CNTNAP2: variants seen among roughly 807,000 people sequenced by gnomAD.
CNTNAP2 encodes contactin-associated protein-like 2.
In CNTNAP2, 98 loss-of-function variants were observed where a neutral mutation model predicts 155.2. That is an observed-to-expected ratio of 0.63 (90% CI 0.54 to 0.75). The LOEUF is 0.75. CNTNAP2 is among the 30% of genes least tolerant of loss of function. CNTNAP2 has a pLI of 0.00. For missense variants in CNTNAP2, 1,727 were observed against 1,688.1 expected (o/e 1.02, Z -0.40); for synonymous variants, 651 against 631.2 (o/e 1.03, Z -0.47).
intron 1 of CNTNAP2, among the ~76,000 whole-genome samples, chr7:146,243,780 A>G (rs1032420817): frequency 6.6e-6 from 1 of 152,186 alleles, no homozygotes; most frequent in African/African-American, 2.4e-5. Flanking sequence ...GTGAGATTAC[A>G]GAGGAATAAA....
At position 148,354,172 on chromosome 7, in the gene CNTNAP2, C is replaced by T. The variant is rs1021162514; in HGVS notation, c.3476-29477C>T. 2.9e-5 allele frequency among the ~76,000 whole-genome samples: 4 copies of T among 135,876 alleles called. No homozygotes were observed. In the Admixed American group the frequency reaches 3.2e-4, roughly 11 times the overall value. The allele number at this position is 135,876 out of a possible 152,430, so 89.1% of individuals were successfully genotyped here. A position where few individuals can be genotyped will look rare whatever the true frequency, so the allele number is the denominator to read the frequency against. On this transcript the variant is annotated intron_variant, in intron 21 of 23. Coordinates refer to ENST00000361727, the MANE Select transcript of CNTNAP2 (RefSeq NM_014141.6). ...TTAGCAGGTGCTGAGAAATACGAAA[C>T]GATTAATTTTTTTTTTTTTTTTTTT...
At chr7:146,762,162 A>G (rs561820445) in intron 1 of CNTNAP2, among the ~76,000 whole-genome samples, 96 of 152,304 alleles carry the variant, frequency 6.3e-4, no homozygotes, top group African/African-American at 2.3e-3. Flanking sequence ...GAGCCCTTAT[A>G]TAGAAATTTT....
chr7:147,131,049 T>C (rs1801342891), intron 7 of CNTNAP2, among the ~76,000 whole-genome samples: 1 of 148,756 alleles, frequency 6.7e-6, no homozygotes, highest in Non-Finnish European at 1.5e-5. Context: ...TACACATATA[T>C]ATATGTGTAT....
At chr7:148,292,138 G>A (rs191905223) in intron 21 of CNTNAP2, among the ~76,000 whole-genome samples, 1 of 152,208 alleles carries the variant, frequency 6.6e-6, no homozygotes, top group Non-Finnish European at 1.5e-5. Flanking sequence ...TCTGTTTTTT[G>A]TAAAAGACAG....
intron 15 of CNTNAP2, among the ~76,000 whole-genome samples, chr7:148,114,573 A>G (rs1334816144): frequency 1.3e-5 from 2 of 152,176 alleles, no homozygotes; most frequent in Admixed American, 1.3e-4. Flanking sequence ...TCAGCACTGG[A>G]AAAGGCACGC....
At chr7:147,927,915 A>T (rs1456230934) in intron 14 of CNTNAP2, among the ~76,000 whole-genome samples, 1 of 152,140 alleles carries the variant, frequency 6.6e-6, no homozygotes, top group African/African-American at 2.4e-5. Flanking sequence ...AGTCTTGGTG[A>T]TATGGTTTGG....
At chr7:147,537,122 G>T (rs1799556239) in intron 11 of CNTNAP2, among the ~76,000 whole-genome samples, 1 of 152,194 alleles carries the variant, frequency 6.6e-6, no homozygotes, top group African/African-American at 2.4e-5. Flanking sequence ...ATTCCCAAAT[G>T]TGGAAAGAAC....
At chr7:147,166,570 G>A (rs191705308) in intron 8 of CNTNAP2, among the ~76,000 whole-genome samples, 5 of 152,116 alleles carry the variant, frequency 3.3e-5, no homozygotes, top group South Asian at 2.1e-4. Flanking sequence ...TTGTGCGTCC[G>A]TGTGAAGAGA....
At chr7:146,498,385 C>G (rs1797250637) in intron 1 of CNTNAP2, among the ~76,000 whole-genome samples, 1 of 152,122 alleles carries the variant, frequency 6.6e-6, no homozygotes, top group Admixed American at 6.6e-5. Flanking sequence ...TTTTGTTCTA[C>G]AGAGCACTCC....
intron 14 of CNTNAP2, among the ~76,000 whole-genome samples, chr7:147,921,861 T>C (rs758577299): frequency 7.9e-4 from 120 of 152,290 alleles, no homozygotes; most frequent in East Asian, 7.7e-4. Context: ...GTTGAGTACT[T>C]ACTATGCACA....
chr7:148,157,751 A>G (rs539607187), intron 17 of CNTNAP2, among the ~76,000 whole-genome samples: 1 of 152,212 alleles, frequency 6.6e-6, no homozygotes, highest in Admixed American at 6.5e-5. Context: ...CAACCTTTGT[A>G]ACTAGTTCTT....
chr7:147,762,014 C>G (rs1056643035), intron 13 of CNTNAP2, among the ~76,000 whole-genome samples: 6 of 152,110 alleles, frequency 3.9e-5, no homozygotes, highest in African/African-American at 1.2e-4. Flanking sequence ...ATGAGAGACA[C>G]AGGGAGCTAC....
intron 1 of CNTNAP2, among the ~76,000 whole-genome samples, chr7:146,330,270 C>A (rs533908986): frequency 6.6e-6 from 1 of 152,198 alleles, no homozygotes; most frequent in East Asian, 1.9e-4. Flanking sequence ...GATCCACCCA[C>A]CTCGGCCTCC....
chr7:147,347,423 T>TATATATATATATATATATATATGC (rs1563169211), intron 9 of CNTNAP2, among the ~76,000 whole-genome samples: 1 of 52,610 alleles, frequency 1.9e-5, no homozygotes, highest in African/African-American at 7.5e-5. Context: ...GAAAAGATTA[T>TATATATATATATATATATATATGC]ATATATATAT....
chr7:147,832,770 AT>A (rs1798572914), intron 13 of CNTNAP2, among the ~76,000 whole-genome samples: 1 of 147,112 alleles, frequency 6.8e-6, no homozygotes, highest in African/African-American at 2.5e-5. Context: ...ATTTAATTAA[AT>A]TGTACATTTA....
chr7:146,660,507 A>G lies in CNTNAP2; in HGVS notation c.98-113764A>G, dbSNP rs138036214. Among the ~76,000 whole-genome samples, 1,016 of 152,350 alleles carry G rather than the reference A, an allele frequency of 6.7e-3. 11 individuals carry two copies. Among genetic ancestry groups the G allele is most frequent in the African/African-American group, 0.023 (971 of 41,584 alleles). ...AATGTGTACTTCAAATTGTTGTTAC[A>G]AAATTAAAAGAGGTAATGTGTATAA... is the stretch of plus-strand genomic sequence containing the variant. On this transcript the variant is annotated intron_variant, in intron 1 of 23. Transcript: ENST00000361727.
rs5888269 is a variant in CNTNAP2, at chr7:147,542,301, T to TAAA, written c.1778-19827_1778-19825dup. ...GGGAGACATTTGGATTGTTCAGTGG[T>TAAA]AAAAAAAAAAAAGCTCCAAAAAAAA... On this transcript the variant is annotated intron_variant, in intron 11 of 23. Coordinates refer to ENST00000361727, the MANE Select transcript of CNTNAP2 (RefSeq NM_014141.6). 2.0e-3 allele frequency among the ~76,000 whole-genome samples: 293 copies of TAAA among 143,634 alleles called. 3 individuals are homozygous for TAAA. The highest frequency in any genetic ancestry group is 6.9e-3 in the African/African-American group (270 of 39,074). The allele number at this position is 143,634 out of a possible 152,430, so 94.2% of individuals were successfully genotyped here.
intron 3 of CNTNAP2, among the ~76,000 whole-genome samples, chr7:147,006,940 A>G (rs1269846374): frequency 1.3e-5 from 2 of 152,150 alleles, no homozygotes; most frequent in Non-Finnish European, 2.9e-5. Flanking sequence ...GGGCTGCTCC[A>G]GAATGAGATG....
intron 14 of CNTNAP2, among the ~76,000 whole-genome samples, chr7:147,970,256 A>T (rs928840888): frequency 1.3e-5 from 2 of 152,190 alleles, no homozygotes; most frequent in Non-Finnish European, 2.9e-5. Context: ...CAACCCAAAG[A>T]TTATTTAATA....
Sources: gnomAD v4.1 joint callset for allele counts (sites outside exome capture counted in the v4.1 genomes callset) on GRCh38, gnomAD v4.1.1 for gene constraint, MANE v1.5 for transcripts, NCBI Gene and HGNC (gene_info 2026-07-23, HGNC 2026-07-21) for gene names.